The following COL11A2 variants were observed in gnomAD, a reference collection of about 807,000 sequenced individuals.
COL11A2 encodes the protein collagen alpha-2(XI) chain.
A neutral mutation model predicts 273.4 loss-of-function variants in COL11A2; 116 were observed. The ratio of observed to expected loss-of-function variants is 0.42; its 90% CI spans 0.36 to 0.49. The LOEUF is 0.49. Ranked by LOEUF, COL11A2 falls within the 20% of genes least tolerant of loss-of-function variation. The probability of loss-of-function intolerance (pLI) is 0.00; values close to 1 mark genes in which losing one functional copy is unlikely to be tolerated. For synonymous variants in COL11A2, 782 were observed against 864.2 expected (o/e 0.90, Z 1.67); for missense variants, 1,866 against 2,309.0 (o/e 0.81, Z 3.93).
rs1234849793 is a variant in COL11A2, at chr6:33,189,431, G to A, written c.121C>T (p.Pro41Ser). Residue 41 changes from proline to serine, a missense_variant, in exon 2 of 66, where the codon CCC becomes TCC. Physicochemically the swap from Pro to Ser is moderately conservative, Grantham distance 74. Transcript: ENST00000341947. This position sits in a 1 kb window ranked among gnomAD's most constrained non-coding sequence, Gnocchi z 5.6. ...PVDVLRALRF[P>S]SLPDGVRRAK... The stretch of plus-strand genomic sequence containing the variant: ...CTCCGGACACCATCAGGGAGGGAGG[G>A]GAACCTCAGGGCCCGGAGCACATCC... 1.9e-6 allele frequency: 3 copies of A among 1,612,970 alleles called. No individual in the cohort carries two copies. Among genetic ancestry groups the A allele is most frequent in the Non-Finnish European group, 2.5e-6 (3 of 1,180,024 alleles).
In COL11A2 at chr6:33,168,581, A is replaced by G; in HGVS notation, c.3907-9T>C. On this transcript the variant is annotated splice_polypyrimidine_tract_variant and intron_variant, in intron 53 of 65. Transcript: ENST00000341947. ...GTGGGACCAGGGGATCCCTAGGGAG[A>G]GAGGAATTGGGGTGGCTGAGTGTTT... The G allele has an allele frequency of 1.9e-6, 3 of 1,613,378 alleles. No homozygotes were observed. The highest frequency in any genetic ancestry group is 2.5e-6 in the Non-Finnish European group (3 of 1,179,722).
rs762813373 is a variant in COL11A2, at chr6:33,180,319, C to T, written c.1298G>A (p.Arg433Gln). 10 of 1,612,654 alleles carry T rather than the reference C, an allele frequency of 6.2e-6. No individual in the cohort carries two copies. Among genetic ancestry groups the T allele is most frequent in the East Asian group, 2.2e-5 (1 of 44,890 alleles). The stretch of plus-strand genomic sequence containing the variant: ...CCCATCTGATCCAGGGAGCCCTGCT[C>T]GGCCAGGGGGGCCCTGGAGTGGGAA... Reference protein sequence around the residue: ...GDPGERGPPGRAGLPGSDGAP... With the variant: ...GDPGERGPPGQAGLPGSDGAP... Residue 433 changes from arginine to glutamine, a missense_variant, in exon 12 of 66, where the codon CGA (arginine) becomes CAA (glutamine). Arg to Gln is a conservative substitution (Grantham distance 43, BLOSUM62 1). Coordinates refer to ENST00000341947, the MANE Select transcript of COL11A2 (RefSeq NM_080680.3).
rs1423640025 is a variant in COL11A2 at position 33,167,427 on chromosome 6, A to G, written c.4121T>C (p.Val1374Ala). 1.2e-6 allele frequency: 2 copies of G among 1,607,632 alleles called. No individual in the cohort carries two copies. Among genetic ancestry groups the G allele is most frequent in the Non-Finnish European group, 1.7e-6 (2 of 1,176,830 alleles). The stretch of plus-strand genomic sequence containing the variant: ...CAGCCCTTCCCTGCAGTGACTCACC[A>G]CTGAGCCTGGGAGCCCCCTCAGACC... The part of the protein sequence containing the change: ...PDGLRGLPGS[V>A]GQQGRPGATG... The change falls in exon 56 of 66, where the codon GTG becomes GCG. Residue 1374 changes from valine (V) to alanine (A), a missense_variant and splice_region_variant. Physicochemically the swap from Val to Ala is moderately conservative, Grantham distance 64. Transcript: ENST00000341947. This position sits in a 1 kb window ranked among gnomAD's most constrained non-coding sequence, Gnocchi z 6.1.
intron 9 of COL11A2, 28 bp downstream of exon 9, chr6:33,181,083 C>T (rs1385027988): frequency 7.4e-6 from 12 of 1,614,174 alleles, no homozygotes; most frequent in Non-Finnish European, 9.3e-6. Flanking sequence ...ATTTCCACTG[C>T]CTCAGCCCTG....
intron 8 of COL11A2, among the ~76,000 whole-genome samples, chr6:33,183,192 A>G (rs1771944258): frequency 1.3e-5 from 2 of 152,244 alleles, no homozygotes; most frequent in African/African-American, 4.8e-5. Context: ...GACACAGAAC[A>G]AAATGACAAA....
Position 33,170,212 on chromosome 6 carries a change from C to G in COL11A2, c.3583-112G>C. ...CAGCAGTGAGGCAGTGGAGGCCTCC[C>G]GGGAGTAAGGGCTTCTCTTGGCCCC... is the stretch of plus-strand genomic sequence containing the variant. On this transcript the variant is annotated intron_variant, in intron 48 of 65. Transcript: ENST00000341947. This position sits in a 1 kb window ranked among gnomAD's most constrained non-coding sequence, Gnocchi z 4.3. 1.3e-6 allele frequency: 2 copies of G among 1,575,276 alleles called. No homozygotes were observed. The highest frequency in any genetic ancestry group is 1.7e-6 in the Non-Finnish European group (2 of 1,147,424).
chr6:33,168,795 A>G (rs1769584943), intron 52 of COL11A2, 36 bp from the exon 53 acceptor site: 1 of 1,598,354 alleles, frequency 6.3e-7, no homozygotes. Flanking sequence ...GTGGGCCCCC[A>G]ACCTGGCTGG....
At position 33,178,074 on chromosome 6, in the gene COL11A2, T is replaced by TG; in HGVS notation, c.1872+57dup. ...GGGAGCAGGAAGGCAGCTAGAAAGG[T>TG]GGAGAGTTGGAGAGGTCAAGGGGTC... is the stretch of plus-strand genomic sequence containing the variant. On this transcript the variant is annotated intron_variant, in intron 21 of 65. Coordinates refer to ENST00000341947, the MANE Select transcript of COL11A2 (RefSeq NM_080680.3). This position sits in a 1 kb window ranked among gnomAD's most constrained non-coding sequence, Gnocchi z 4.6. 1 of 1,523,504 alleles carries TG rather than the reference T, an allele frequency of 6.6e-7. No individual in the cohort carries two copies. Among genetic ancestry groups the TG allele is most frequent in the Admixed American group, 1.8e-5 (1 of 56,040 alleles). The allele number at this position is 1,523,504 out of a possible 1,614,324, so 94.4% of individuals were successfully genotyped here.
At position 33,170,695 on chromosome 6, in the gene COL11A2, C is replaced by T. The variant is rs562904083; in HGVS notation, c.3475-85G>A. Reference sequence around the variant, plus strand: ...GCAGATAGGCCCCACAGTCCCCTCCCCTCAGACTCCGCAGGCCCTCCAGTC... The same window carrying T: ...GCAGATAGGCCCCACAGTCCCCTCCTCTCAGACTCCGCAGGCCCTCCAGTC... On this transcript the variant is annotated intron_variant, in intron 46 of 65. Transcript: ENST00000341947. The surrounding 1 kb of genome is among the most constrained non-coding windows in gnomAD (Gnocchi z 4.3). 1.3e-4 allele frequency: 213 copies of T among 1,591,052 alleles called. No homozygotes were observed. The highest frequency in any genetic ancestry group is 1.8e-4 in the Non-Finnish European group (205 of 1,160,224).
At chr6:33,168,467 C>T (rs939401521) in intron 54 of COL11A2, 52 bp downstream of exon 54, 23 of 1,602,646 alleles carry the variant, frequency 1.4e-5, no homozygotes, top group Non-Finnish European at 1.8e-5. Context: ...CAGCCTCCAC[C>T]CACACAGCCC....
At chr6:33,181,751 G>T (rs560555909) in intron 8 of COL11A2, among the ~76,000 whole-genome samples, 1 of 151,984 alleles carries the variant, frequency 6.6e-6, no homozygotes, top group South Asian at 2.1e-4. Flanking sequence ...CTCCTAAAGT[G>T]CTGGAATTAC....
intron 30 of COL11A2, 90 bp downstream of exon 30, chr6:33,175,484 G>T: frequency 1.9e-6 from 2 of 1,029,730 alleles, no homozygotes; most frequent in Non-Finnish European, 1.5e-6. Flanking sequence ...TCAACTGACT[G>T]GCTGACTTCA....
In COL11A2 at chr6:33,169,598, A is replaced by C; in HGVS notation, c.3691-108T>G. 1.7e-6 allele frequency: 2 copies of C among 1,173,744 alleles called. No individual in the cohort carries two copies. The highest frequency in any genetic ancestry group is 2.5e-6 in the Non-Finnish European group (2 of 795,970). 72.7% of individuals were successfully genotyped at this position (1,173,744 alleles called of 1,614,324 possible). A position where few individuals can be genotyped will look rare whatever the true frequency, so the allele number is the denominator to read the frequency against. On this transcript the variant is annotated intron_variant, in intron 50 of 65. Transcript: ENST00000341947. This position sits in a 1 kb window ranked among gnomAD's most constrained non-coding sequence, Gnocchi z 5.5. ...CCATCCCCTACTCCCCTCAGTGACA[A>C]TGGGACATACACAGAAAGTCAAGCC...
rs1441721787 is a variant in COL11A2 at position 33,179,173 on chromosome 6, A to G, written c.1558-47T>C. ...TGGGGTTAGGAGGCATAGGGAGGGG[A>G]GTGAGGGAGACTGAGCTGGTGAACA... On this transcript the variant is annotated intron_variant, in intron 15 of 65. Transcript: ENST00000341947. This position sits in a 1 kb window ranked among gnomAD's most constrained non-coding sequence, Gnocchi z 6.4. The G allele has an allele frequency of 7.4e-6, 12 of 1,611,552 alleles. No homozygotes were observed. Among genetic ancestry groups the G allele is most frequent in the African/African-American group, 1.3e-5 (1 of 74,886 alleles).
chr6:33,169,521 C>G lies in COL11A2; in HGVS notation c.3691-31G>C. ...GAACAAGCGGAGGACACAGATGGCC[C>G]AGGGAATCTTGAAGATCAGGGATGC... On this transcript the variant is annotated intron_variant, in intron 50 of 65. Coordinates refer to ENST00000341947, the MANE Select transcript of COL11A2 (RefSeq NM_080680.3). The surrounding 1 kb of genome is among the most constrained non-coding windows in gnomAD (Gnocchi z 5.5). 1 of 1,603,050 alleles carries G rather than the reference C, an allele frequency of 6.2e-7. No individual in the cohort carries two copies. Among genetic ancestry groups the G allele is most frequent in the South Asian group, 1.1e-5 (1 of 90,766 alleles).
At position 33,184,042 on chromosome 6, in the gene COL11A2, G is replaced by A. The variant is rs1205322804; in HGVS notation, c.1119+103C>T. ...AACAGAAAATGACAAGTCACAGATG[G>A]GAAATAGCTCACAGCCAACAGCCAA... is the stretch of plus-strand genomic sequence containing the variant. On this transcript the variant is annotated intron_variant, in intron 8 of 65. Transcript: ENST00000341947. The A allele has an allele frequency of 4.9e-6, 5 of 1,030,382 alleles. No homozygotes were observed. The Admixed American group carries it at 9.8e-5, about 20-fold the overall frequency. 63.8% of individuals were successfully genotyped at this position (1,030,382 alleles called of 1,614,324 possible). A position where few individuals can be genotyped will look rare whatever the true frequency, so the allele number is the denominator to read the frequency against.
intron 52 of COL11A2, 56 bp from the exon 53 acceptor site, chr6:33,168,815 C>T (rs1405571751): frequency 6.2e-7 from 1 of 1,602,060 alleles, no homozygotes; most frequent in Non-Finnish European, 8.5e-7. Context: ...GCATCACCTC[C>T]AAAACTGTCA....
chr6:33,166,998 C>T lies in COL11A2; in HGVS notation c.4230+72G>A. On this transcript the variant is annotated intron_variant, in intron 58 of 65. Transcript: ENST00000341947. The surrounding 1 kb of genome is among the most constrained non-coding windows in gnomAD (Gnocchi z 4.8). The stretch of plus-strand genomic sequence containing the variant: ...GAGGCCTGAAGCAGAGCAGTGGGCA[C>T]TTGGGTCCCACAGGTTTCAGGGGCG... 1 of 1,603,860 alleles carries T rather than the reference C, an allele frequency of 6.2e-7. No individual in the cohort carries two copies. Among genetic ancestry groups the T allele is most frequent in the South Asian group, 1.1e-5 (1 of 90,518 alleles).
At position 33,178,280 on chromosome 6, in the gene COL11A2, C is replaced by T. The variant is rs749683302; in HGVS notation, c.1818+28G>A. The T allele has an allele frequency of 2.5e-6, 4 of 1,612,886 alleles. No individual in the cohort carries two copies. In the South Asian group the frequency reaches 4.4e-5, roughly 18 times the overall value. On this transcript the variant is annotated intron_variant, in intron 20 of 65. Coordinates refer to ENST00000341947, the MANE Select transcript of COL11A2 (RefSeq NM_080680.3). The surrounding 1 kb of genome is among the most constrained non-coding windows in gnomAD (Gnocchi z 4.6). ...CCTCCTGGCTTCCCCAGAGCCCCCT[C>T]CCCCAGCACCAGCCCTTGGACACTC...
Sources: allele counts gnomAD v4.1 joint callset (sites outside exome capture counted in the v4.1 genomes callset), GRCh38; gene constraint gnomAD v4.1.1; non-coding constraint Gnocchi (gnomAD v3.1); transcripts MANE v1.5; gene names NCBI Gene and HGNC (gene_info 2026-07-23, HGNC 2026-07-21).